MASP1: variants seen among roughly 807,000 people sequenced by gnomAD.
MASP1 encodes MBL associated serine protease 1.
MASP1 carries 59 observed loss-of-function variants against 77.1 expected under a neutral mutation model. The ratio of observed to expected loss-of-function variants is 0.77; its 90% CI spans 0.62 to 0.95. The LOEUF (loss-of-function observed/expected upper bound fraction) is 0.95. MASP1 is among the 40% of genes least tolerant of loss of function. MASP1 has a pLI of 0.00. For synonymous variants in MASP1, 362 were observed against 354.5 expected (o/e 1.02, Z -0.24); for missense variants, 885 against 912.9 (o/e 0.97, Z 0.39).
At chr3:187,239,160 TAG>T (rs1218949933) in intron 10 of MASP1, among the ~76,000 whole-genome samples, 22 of 140,082 alleles carry the variant, frequency 1.6e-4, no homozygotes, top group Admixed American at 1.3e-3. Flanking sequence ...CTGACCAACA[TAG>T]AGAAACCCCG....
downstream of MASP1, among the ~76,000 whole-genome samples, chr3:187,230,929 C>G (rs1712731650): frequency 1.3e-5 from 2 of 152,186 alleles, no homozygotes; most frequent in African/African-American, 4.8e-5. Flanking sequence ...GCCCCTGGAT[C>G]CAGGCAGTCA....
At chr3:187,244,154 C>T (rs1406531845) in intron 8 of MASP1, 1 of 166,600 alleles carries the variant, frequency 6.0e-6, no homozygotes, top group Admixed American at 5.5e-5. Flanking sequence ...TACACAGCCC[C>T]ACCCTGCTGC....
At chr3:187,277,949 GT>G (rs1172633655) in intron 2 of MASP1, among the ~76,000 whole-genome samples, 2 of 152,194 alleles carry the variant, frequency 1.3e-5, no homozygotes, top group African/African-American at 4.8e-5. Flanking sequence ...GCAGTCAGTG[GT>G]AGGGTCAGAG....
intron 2 of MASP1, among the ~76,000 whole-genome samples, chr3:187,277,191 A>G (rs1321864574): frequency 2.0e-5 from 3 of 152,152 alleles, no homozygotes; most frequent in Non-Finnish European, 4.4e-5. Context: ...TCTCAGCAGG[A>G]GTCAGCAGCT....
Position 187,240,092 on chromosome 3 carries a change from C to T in MASP1, c.1303+1389G>A, listed in dbSNP as rs541979935. 7.9e-5 allele frequency among the ~76,000 whole-genome samples: 12 copies of T among 152,020 alleles called. No homozygotes were observed. The South Asian group carries it at 1.3e-3, about 16-fold the overall frequency. On this transcript the variant is annotated intron_variant, in intron 10 of 10. Coordinates refer to ENST00000296280, the MANE Select transcript of MASP1 (RefSeq NM_139125.4). ...GCCACCGTGTAAGATGTGCCTTTCA[C>T]CTTCCGCCATGATTGTGAGGCCCCT... is the stretch of plus-strand genomic sequence containing the variant.
chr3:187,281,259 C>T (rs941216098), intron 2 of MASP1, among the ~76,000 whole-genome samples: 19 of 152,216 alleles, frequency 1.2e-4, no homozygotes, highest in African/African-American at 4.3e-4. Context: ...GCATCCGGAC[C>T]ACAGACTTGG....
chr3:187,257,119 C>A (rs1715154821), intron 4 of MASP1, among the ~76,000 whole-genome samples: 1 of 152,024 alleles, frequency 6.6e-6, no homozygotes. Flanking sequence ...ATCAGATCCT[C>A]TGGTATGGGG....
intron 4 of MASP1, among the ~76,000 whole-genome samples, chr3:187,257,871 C>T (rs965332518): frequency 2.0e-5 from 3 of 152,190 alleles, no homozygotes; most frequent in African/African-American, 2.4e-5. Flanking sequence ...AACGGAATTC[C>T]TGGCCATGAT....
intron 9 of MASP1, chr3:187,243,186 G>A (rs1017516211): frequency 2.5e-6 from 1 of 405,396 alleles, no homozygotes; most frequent in Admixed American, 3.6e-5. Flanking sequence ...TTGTGTCAGT[G>A]TGTGACTCCT....
At position 187,285,971 on chromosome 3, in the gene MASP1, T is replaced by C; in HGVS notation, c.91A>G (p.Ile31Val). 1 of 1,614,216 alleles carries C rather than the reference T, an allele frequency of 6.2e-7. No homozygotes were observed. The highest frequency in any genetic ancestry group is 8.5e-7 in the Non-Finnish European group (1 of 1,180,040). ...GAGTCTGGATAACCAGGCGACTGGA[T>C]CTGGCCAAACATATTGTTTAGCTCC... Reference protein sequence around the residue: ...TVELNNMFGQIQSPGYPDSYP... With the variant: ...TVELNNMFGQVQSPGYPDSYP... Residue 31 changes from isoleucine (I) to valine (V), a missense_variant, in exon 2 of 11, where the codon ATC (isoleucine) becomes GTC (valine). By Grantham distance (29) the Ile-to-Val change is conservative. Transcript: ENST00000296280.
At chr3:187,250,687 C>T (rs901718149) in intron 7 of MASP1, among the ~76,000 whole-genome samples, 1 of 152,152 alleles carries the variant, frequency 6.6e-6, no homozygotes, top group African/African-American at 2.4e-5. Flanking sequence ...GGCTTCTCCC[C>T]CAGAGTTTCT....
intron 9 of MASP1, 26 bp from the exon 10 acceptor site, chr3:187,241,581 A>G: frequency 6.7e-7 from 1 of 1,485,692 alleles, no homozygotes; most frequent in South Asian, 1.1e-5. Flanking sequence ...AGGTTAGGAG[A>G]GGAGGGAGAA....
In MASP1 at chr3:187,223,123, T is replaced by C. The variant is rs1712167142; in HGVS notation, c.1809+4A>G. 5.0e-6 allele frequency: 8 copies of C among 1,613,292 alleles called. No homozygotes were observed. Among genetic ancestry groups the C allele is most frequent in the Non-Finnish European group, 6.8e-6 (8 of 1,179,372 alleles). On this transcript the variant is annotated splice_donor_region_variant and intron_variant, in intron 14 of 15. Coordinates refer to the MASP1 transcript ENST00000337774. ...CTGTCTGTAGGTTATAAAGTGAACT[T>C]CACCTCCATCAGGGTCTCTGGGAAC...
At chr3:187,220,883 C>T (rs1376037463) in intron 15 of MASP1, 2 of 667,820 alleles carry the variant, frequency 3.0e-6, no homozygotes, top group African/African-American at 3.6e-5. Context: ...GCATCTTCTC[C>T]TGTGGAATCC....
intron 2 of MASP1, among the ~76,000 whole-genome samples, chr3:187,267,294 G>A (rs1716119193): frequency 6.6e-6 from 1 of 152,174 alleles, no homozygotes; most frequent in African/African-American, 2.4e-5. Flanking sequence ...ATGTTCCCGA[G>A]CTATCTCCTG....
intron 2 of MASP1, among the ~76,000 whole-genome samples, chr3:187,266,829 A>C (rs1716065412): frequency 6.6e-6 from 1 of 152,196 alleles, no homozygotes. Context: ...GGATTGGCCA[A>C]ATTTCTGTGG....
intron 11 of MASP1, among the ~76,000 whole-genome samples, chr3:187,228,749 C>T (rs1712588519): frequency 6.6e-6 from 1 of 152,194 alleles, no homozygotes; most frequent in Non-Finnish European, 1.5e-5. Flanking sequence ...CCCTATAATA[C>T]CTTCCCTCAC....
At chr3:187,247,487 G>T in intron 8 of MASP1, 1 of 1,297,918 alleles carries the variant, frequency 7.7e-7, no homozygotes, top group Non-Finnish European at 1.1e-6. Context: ...AGCAGAAACA[G>T]TTTATGCAGG....
intron 2 of MASP1, among the ~76,000 whole-genome samples, chr3:187,271,724 T>C (rs16861812): frequency 0.15 from 23,374 of 152,028 alleles, 2,476 homozygotes; most frequent in African/African-American, 0.3. Context: ...CACCCCATGG[T>C]ATAAAATTGG....
Sources: gnomAD v4.1 joint callset for allele counts (sites outside exome capture counted in the v4.1 genomes callset) on GRCh38, gnomAD v4.1.1 for gene constraint, MANE v1.5 for transcripts, NCBI Gene and HGNC (gene_info 2026-07-23, HGNC 2026-07-21) for gene names.